NSMCE2: variants seen among roughly 807,000 people sequenced by gnomAD.
The protein encoded by NSMCE2 is NSE2 SUMO ligase component of SMC5/6 complex, also known as E3 SUMO-protein ligase NSE2.
A neutral mutation model predicts 23.8 loss-of-function variants in NSMCE2; 24 were observed. The ratio of observed to expected loss-of-function variants is 1.01; its 90% confidence interval spans 0.73 to 1.42. The LOEUF (loss-of-function observed/expected upper bound fraction) is 1.42. Ranked by LOEUF, NSMCE2 falls within the 40% of genes most tolerant of loss-of-function variation. NSMCE2 has a pLI of 0.00. For synonymous variants in NSMCE2, 92 were observed against 94.1 expected (o/e 0.98, Z 0.13); for missense variants, 284 against 296.5 (o/e 0.96, Z 0.31).
chr8:125,180,233 C>T (rs1466581067), intron 4 of NSMCE2, among the ~76,000 whole-genome samples: 2 of 152,108 alleles, frequency 1.3e-5, no homozygotes, highest in Non-Finnish European at 1.5e-5. Context: ...CTTCTCTTTT[C>T]CAAATTGAGC....
At position 125,091,893 on chromosome 8, in the gene NSMCE2, G is replaced by A. The variant is rs1817672264; in HGVS notation, c.-176G>A. On this transcript the variant is annotated 5_prime_UTR_variant, in exon 1 of 8. Coordinates refer to ENST00000287437, the MANE Select transcript of NSMCE2 (RefSeq NM_173685.4). ...TCAGCGGCAGGCGAAGGGGGCTGAG[G>A]AAAGGAGGTGGGTCTAGGCAGGGGA... The A allele has an allele frequency of 6.6e-6, 1 of 152,568 alleles. No individual in the cohort carries two copies. Among genetic ancestry groups the A allele is most frequent in the African/African-American group, 2.4e-5 (1 of 41,600 alleles). 9.5% of individuals were successfully genotyped at this position (152,568 alleles called of 1,614,324 possible). A position where few individuals can be genotyped will look rare whatever the true frequency, so the allele number is the denominator to read the frequency against.
chr8:125,248,544 T>G (rs1369839480), intron 5 of NSMCE2, among the ~76,000 whole-genome samples: 1 of 152,026 alleles, frequency 6.6e-6, no homozygotes, highest in African/African-American at 2.4e-5. Flanking sequence ...TCCCAGCTAC[T>G]TGGGAGGCTG....
chr8:125,315,546 C>A (rs78530809), intron 5 of NSMCE2, among the ~76,000 whole-genome samples: 1,779 of 152,268 alleles, frequency 0.012, 39 homozygotes, highest in African/African-American at 0.039. Context: ...CTAGCTAATT[C>A]ATGAAAAGTG....
At chr8:125,318,678 AAAG>A (rs1173870646) in intron 5 of NSMCE2, among the ~76,000 whole-genome samples, 1 of 152,218 alleles carries the variant, frequency 6.6e-6, no homozygotes, top group African/African-American at 2.4e-5. Flanking sequence ...AGAGAAAAAA[AAAG>A]AAAACAAAAT....
chr8:125,310,135 A>G (rs187792964), intron 5 of NSMCE2, among the ~76,000 whole-genome samples: 2 of 152,350 alleles, frequency 1.3e-5, no homozygotes, highest in Admixed American at 1.3e-4. Flanking sequence ...AACTGGCAGG[A>G]TGAAACATCA....
intron 3 of NSMCE2, chr8:125,126,903 C>T (rs1819543851): frequency 6.6e-6 from 1 of 152,186 alleles, no homozygotes; most frequent in Non-Finnish European, 1.5e-5. Context: ...ACTTGGCACA[C>T]AGCGTTCTTA....
chr8:125,221,079 C>T (rs534961521), intron 5 of NSMCE2, among the ~76,000 whole-genome samples: 312 of 152,200 alleles, frequency 2.0e-3, no homozygotes, highest in Non-Finnish European at 3.5e-3. Flanking sequence ...TCATACCCAC[C>T]CTCTACTGCT....
chr8:125,311,249 T>C (rs1013193872), intron 5 of NSMCE2, among the ~76,000 whole-genome samples: 1 of 152,168 alleles, frequency 6.6e-6, no homozygotes, highest in Non-Finnish European at 1.5e-5. Context: ...AAAACCACTC[T>C]CCTCAATACT....
intron 5 of NSMCE2, among the ~76,000 whole-genome samples, chr8:125,311,968 T>C (rs1344480088): frequency 1.3e-5 from 2 of 150,658 alleles, no homozygotes; most frequent in South Asian, 2.1e-4. Flanking sequence ...CTCAGGAGGC[T>C]GAGGCAGGAG....
chr8:125,160,621 A>T (rs1427223488), intron 4 of NSMCE2, among the ~76,000 whole-genome samples: 1 of 152,228 alleles, frequency 6.6e-6, no homozygotes, highest in African/African-American at 2.4e-5. Flanking sequence ...CCCTATGTCT[A>T]TAACAATGAA....
chr8:125,202,173 C>T (rs895370889), intron 5 of NSMCE2, among the ~76,000 whole-genome samples: 9 of 152,224 alleles, frequency 5.9e-5, no homozygotes, highest in Non-Finnish European at 1.0e-4. Flanking sequence ...GCGCTTCCTT[C>T]GTGAGGCAAT....
chr8:125,195,993 T>A (rs1823597479), intron 5 of NSMCE2, among the ~76,000 whole-genome samples: 1 of 150,224 alleles, frequency 6.7e-6, no homozygotes, highest in Non-Finnish European at 1.5e-5. Context: ...TTCAAGCAAT[T>A]CTGCTGCCTC....
At chr8:125,272,238 TC>T (rs1367425665) in intron 5 of NSMCE2, among the ~76,000 whole-genome samples, 3 of 151,742 alleles carry the variant, frequency 2.0e-5, no homozygotes, top group Non-Finnish European at 2.9e-5. Flanking sequence ...ATGGTCTCGA[TC>T]TCCTGACCTC....
chr8:125,223,343 G>A (rs540317212), intron 5 of NSMCE2, among the ~76,000 whole-genome samples: 1 of 152,294 alleles, frequency 6.6e-6, no homozygotes, highest in Non-Finnish European at 1.5e-5. Context: ...GGGCAACAGA[G>A]CAAGACCCTG....
At chr8:125,113,627 C>T (rs1286600845) in intron 3 of NSMCE2, among the ~76,000 whole-genome samples, 1 of 152,106 alleles carries the variant, frequency 6.6e-6, no homozygotes, top group Admixed American at 6.5e-5. Context: ...AACCTGAACA[C>T]AATAAAGTGT....
intron 5 of NSMCE2, among the ~76,000 whole-genome samples, chr8:125,200,408 G>T (rs1039990119): frequency 6.6e-6 from 1 of 152,146 alleles, no homozygotes; most frequent in Admixed American, 6.5e-5. Flanking sequence ...GTCTGTAAAG[G>T]ATTTTATTTC....
intron 3 of NSMCE2, among the ~76,000 whole-genome samples, chr8:125,107,291 A>G (rs1818512020): frequency 6.8e-6 from 1 of 147,068 alleles, no homozygotes; most frequent in East Asian, 2.0e-4. Context: ...GGTTCAAGCT[A>G]TTCTCCTGCC....
At chr8:125,321,827 C>T (rs944927136) in intron 5 of NSMCE2, among the ~76,000 whole-genome samples, 3 of 152,140 alleles carry the variant, frequency 2.0e-5, no homozygotes, top group Non-Finnish European at 4.4e-5. Flanking sequence ...TAATCCCAGA[C>T]ATGATAGTCA....
At chr8:125,239,945 C>A (rs75051008) in intron 5 of NSMCE2, among the ~76,000 whole-genome samples, 5,627 of 152,100 alleles carry the variant, frequency 0.037, 196 homozygotes, top group African/African-American at 0.086. Context: ...CCACTCTGAT[C>A]CCTGCCCCTT....
Sources: allele counts gnomAD v4.1 joint callset (sites outside exome capture counted in the v4.1 genomes callset), GRCh38; gene constraint gnomAD v4.1.1; transcripts MANE v1.5; gene names NCBI Gene and HGNC (gene_info 2026-07-23, HGNC 2026-07-21).